ZZEF1: variants seen among roughly 807,000 people sequenced by gnomAD.
The protein encoded by ZZEF1 is zinc finger ZZ-type and EF-hand domain containing 1.
A neutral mutation model predicts 342.8 loss-of-function variants in ZZEF1; 157 were observed. That is an observed-to-expected ratio of 0.46 (90% CI 0.40 to 0.52). ZZEF1 has a LOEUF of 0.52. Among genes scored for constraint, ZZEF1 ranks in the 20% least tolerant of loss-of-function variants. The probability of loss-of-function intolerance (pLI) is 0.00; values close to 1 mark genes in which losing one functional copy is unlikely to be tolerated. For synonymous variants in ZZEF1, 1,505 were observed against 1,429.1 expected (o/e 1.05, Z -1.20); for missense variants, 3,480 against 3,725.6 (o/e 0.93, Z 1.72).
intron 19 of ZZEF1, 128 bp downstream of exon 19, chr17:4,077,755 G>A: frequency 9.8e-7 from 1 of 1,022,532 alleles, no homozygotes; most frequent in South Asian, 1.6e-5. Context: ...GACCAAACCA[G>A]TCCAAGAATC....
At chr17:4,039,868 T>C (rs111284108) in intron 39 of ZZEF1, among the ~76,000 whole-genome samples, 12 of 152,120 alleles carry the variant, frequency 7.9e-5, no homozygotes, top group African/African-American at 2.7e-4. Flanking sequence ...ATGGTCTCGA[T>C]CTCCTGACCT....
In ZZEF1 at chr17:4,064,367, T is replaced by C. The variant is rs201177436; in HGVS notation, c.4712A>G (p.His1571Arg). ...MDFIKDQSLS[H>R]RSVVKVLSLR... ...AAGGTAACAACGGGCTTACCTCCTG[T>C]GCGAGAGCGACTGATCCTTAATGAA... The change falls in exon 29 of 55, where the codon CAC (histidine) becomes CGC (arginine). Residue 1571 changes from histidine (H) to arginine (R), a missense_variant. Physicochemically the swap from His to Arg is conservative, Grantham distance 29. This residue lies in a region of ZZEF1 where 1,528 missense variants were observed against 1,624.1 expected (regional missense o/e 0.94). Coordinates refer to ENST00000381638, the MANE Select transcript of ZZEF1 (RefSeq NM_015113.4). 6 of 1,583,294 alleles carry C rather than the reference T, an allele frequency of 3.8e-6. No individual in the cohort carries two copies. The East Asian group carries it at 1.4e-4, about 36-fold the overall frequency.
intron 2 of ZZEF1, among the ~76,000 whole-genome samples, chr17:4,122,589 A>T (rs1179609795): frequency 6.6e-5 from 10 of 152,182 alleles, no homozygotes; most frequent in Non-Finnish European, 2.9e-5. Flanking sequence ...CATGTTGGTC[A>T]GGCTGGTTTT....
intron 14 of ZZEF1, 34 bp from the exon 15 acceptor site, chr17:4,086,689 G>T: frequency 6.2e-7 from 1 of 1,610,540 alleles, no homozygotes; most frequent in South Asian, 1.1e-5. Context: ...GAGAGCAAAA[G>T]GGCAAGTTGC....
Position 4,136,356 on chromosome 17 carries a change from AC to A in ZZEF1, c.354+6185del, listed in dbSNP as rs200118592. On this transcript the variant is annotated intron_variant, in intron 1 of 54. Transcript: ENST00000381638. ...GAGACTCCGTCTCAAAAAAAAAAAA[AC>A]AAAGACATTACAGAGGCTAGAATAA... Among the ~76,000 whole-genome samples, 293 of 104,544 alleles carry A rather than the reference AC, an allele frequency of 2.8e-3. 1 individual carries two copies. Among genetic ancestry groups the A allele is most frequent in the African/African-American group, 7.0e-3 (171 of 24,466 alleles). 68.6% of individuals were successfully genotyped at this position (104,544 alleles called of 152,430 possible).
At chr17:4,042,400 C>A in intron 39 of ZZEF1, 29 bp downstream of exon 39, 1 of 1,599,042 alleles carries the variant, frequency 6.3e-7, no homozygotes, top group South Asian at 1.1e-5. Context: ...ATACCACCAC[C>A]CCCACTTTTA....
rs2057355510 is a variant in ZZEF1 at position 4,064,653 on chromosome 17, G to C, written c.4426C>G (p.Pro1476Ala). ...GTGGCAGGGGGTGCGGCTTCAGTGG[G>C]AGATACTGAGGCTTGGAAATGCTCT... is the stretch of plus-strand genomic sequence containing the variant. The part of the protein sequence containing the change: ...VEEHFQASVS[P>A]TEAAPPATGD... Residue 1476 changes from proline to alanine, a missense_variant, in exon 29 of 55, where the codon CCC becomes GCC. By Grantham distance (27) the Pro-to-Ala change is conservative. This residue lies in a region of ZZEF1 where 1,528 missense variants were observed against 1,624.1 expected (regional missense o/e 0.94). Transcript: ENST00000381638. The C allele has an allele frequency of 6.2e-7, 1 of 1,614,204 alleles. No homozygotes were observed. Among genetic ancestry groups the C allele is most frequent in the East Asian group, 2.2e-5 (1 of 44,892 alleles).
intron 2 of ZZEF1, among the ~76,000 whole-genome samples, chr17:4,123,045 G>A (rs565837113): frequency 3.5e-4 from 53 of 149,804 alleles, no homozygotes; most frequent in Middle Eastern, 3.4e-3. Flanking sequence ...TCAGCCTCCC[G>A]AGTAGCTGGG....
At chr17:4,030,386 C>T (rs1392670660) in intron 42 of ZZEF1, among the ~76,000 whole-genome samples, 2 of 152,168 alleles carry the variant, frequency 1.3e-5, no homozygotes, top group African/African-American at 2.4e-5. Flanking sequence ...CCCTGACTTA[C>T]AATGGTTCAA....
intron 17 of ZZEF1, 28 bp from the exon 18 acceptor site, chr17:4,081,518 C>T (rs1296714996): frequency 6.4e-7 from 1 of 1,564,274 alleles, no homozygotes; most frequent in African/African-American, 1.4e-5. Context: ...AGTCATGACA[C>T]CTGGCTTCAG....
At chr17:4,134,786 G>C (rs573528109) in intron 1 of ZZEF1, among the ~76,000 whole-genome samples, 1 of 152,228 alleles carries the variant, frequency 6.6e-6, no homozygotes, top group East Asian at 1.9e-4. Context: ...GACACTCCAG[G>C]GATGAGAAGT....
chr17:4,011,515 G>T (rs779207230), intron 52 of ZZEF1, among the ~76,000 whole-genome samples: 3 of 152,030 alleles, frequency 2.0e-5, no homozygotes, highest in Non-Finnish European at 4.4e-5. Context: ...AAGTAAAGCA[G>T]AGCCTCTGCT....
chr17:4,017,644 C>T lies in ZZEF1; in HGVS notation c.7728G>A (p.Gln2576=), dbSNP rs1027784787. 1.2e-6 allele frequency: 2 copies of T among 1,614,162 alleles called. No individual in the cohort carries two copies. The highest frequency in any genetic ancestry group is 1.7e-6 in the Non-Finnish European group (2 of 1,180,038). Residue 2576 remains glutamine, a synonymous_variant, in exon 48 of 55, where the codon CAG becomes CAA. Transcript: ENST00000381638. This position sits in a 1 kb window ranked among gnomAD's most constrained non-coding sequence, Gnocchi z 5.1. ...KLISSTESEL[Q]QSYAKQRRSK... The stretch of plus-strand genomic sequence containing the variant: ...TACGGCGCTGCTTGGCATAGCTCTG[C>T]TGCAGTTCGCTCTCTGTGCTGGAGA...
At chr17:4,057,889 CACAG>C in intron 32 of ZZEF1, 101 bp downstream of exon 32, 5 of 1,221,214 alleles carry the variant, frequency 4.1e-6, no homozygotes, top group Middle Eastern at 2.2e-4. Flanking sequence ...CAAGATATGA[CACAG>C]ACAGTCTAGC....
chr17:4,121,314 A>C (rs899531675), intron 2 of ZZEF1, among the ~76,000 whole-genome samples: 5 of 152,182 alleles, frequency 3.3e-5, no homozygotes, highest in Non-Finnish European at 5.9e-5. Context: ...TGTAAACGCT[A>C]AGATAAAAGC....
rs2056239135 is a variant in ZZEF1 at position 4,020,421 on chromosome 17, T to C, written c.7405-652A>G. Among the ~76,000 whole-genome samples, 6 of 152,218 alleles carry C rather than the reference T, an allele frequency of 3.9e-5. No homozygotes were observed. The South Asian group carries it at 1.2e-3, about 32-fold the overall frequency. Reference sequence around the variant, plus strand: ...GATGCAAACTCTCCTGCAAAATCTGTAAACTTGAACTCCTGGCCTCAAGTG... The same window carrying C: ...GATGCAAACTCTCCTGCAAAATCTGCAAACTTGAACTCCTGGCCTCAAGTG... On this transcript the variant is annotated intron_variant, in intron 45 of 54. Transcript: ENST00000381638.
At chr17:4,086,772 C>T in intron 14 of ZZEF1, 117 bp from the exon 15 acceptor site, 1 of 925,790 alleles carries the variant, frequency 1.1e-6, no homozygotes, top group Non-Finnish European at 1.6e-6. Flanking sequence ...GAAAATAATG[C>T]CAACTGATGC....
intron 1 of ZZEF1, among the ~76,000 whole-genome samples, chr17:4,141,378 G>A (rs1249890502): frequency 1.3e-5 from 2 of 152,170 alleles, no homozygotes; most frequent in Non-Finnish European, 2.9e-5. Context: ...GCAAGTACCC[G>A]CTGGTTTACT....
At chr17:4,104,498 T>C in intron 8 of ZZEF1, 135 bp downstream of exon 8, 1 of 922,060 alleles carries the variant, frequency 1.1e-6, no homozygotes, top group South Asian at 1.7e-5. Context: ...AGAGGATACG[T>C]TCATCCAGGA....
Sources: allele counts gnomAD v4.1 joint callset (sites outside exome capture counted in the v4.1 genomes callset), GRCh38; gene constraint gnomAD v4.1.1; regional missense constraint gnomAD v4.1.1; non-coding constraint Gnocchi (gnomAD v3.1); transcripts MANE v1.5; gene names NCBI Gene and HGNC (gene_info 2026-07-23, HGNC 2026-07-21).